POU6F2: variants seen among roughly 807,000 people sequenced by gnomAD.
POU6F2 encodes the protein POU class 6 homeobox 2.
A neutral mutation model predicts 71.3 loss-of-function variants in POU6F2; 31 were observed. The observed-to-expected ratio is 0.43, with a 90% CI of 0.33 to 0.59. The LOEUF is 0.59. POU6F2 is among the 20% of genes least tolerant of loss of function. The probability of loss-of-function intolerance (pLI) is 0.04; values close to 1 mark genes in which losing one functional copy is unlikely to be tolerated. For synonymous variants in POU6F2, 347 were observed against 355.7 expected (o/e 0.98, Z 0.27); for missense variants, 783 against 856.8 (o/e 0.91, Z 1.07).
Position 39,358,873 on chromosome 7 carries a change from TAA to T in POU6F2, c.972+18875_972+18876del, listed in dbSNP as rs10626884. On this transcript the variant is annotated intron_variant, in intron 5 of 9. Coordinates refer to ENST00000518318, the MANE Select transcript of POU6F2 (RefSeq NM_001370959.1). ...GAAAGTGGAGCTGTACTTCTGTATTTAAAAAAAAAAAAAAAAAAGAGTATGAC... is the reference window on the plus strand; with the variant it reads ...GAAAGTGGAGCTGTACTTCTGTATTTAAAAAAAAAAAAAAAAGAGTATGAC... 2.1e-3 allele frequency among the ~76,000 whole-genome samples: 286 copies of T among 134,346 alleles called. 1 individual carries two copies. Among genetic ancestry groups the T allele is most frequent in the African/African-American group, 6.8e-3 (248 of 36,208 alleles). The allele number at this position is 134,346 out of a possible 152,430, so 88.1% of individuals were successfully genotyped here.
intron 1 of POU6F2, among the ~76,000 whole-genome samples, chr7:39,004,490 C>A (rs971658903): frequency 6.6e-6 from 1 of 152,058 alleles, no homozygotes; most frequent in African/African-American, 2.4e-5. Flanking sequence ...CAGGACAAGC[C>A]CAGTGAATGA....
chr7:39,158,707 CCCCACCAATTGGATGGTG>C (rs1792926365), intron 2 of POU6F2, among the ~76,000 whole-genome samples: 1 of 152,028 alleles, frequency 6.6e-6, no homozygotes, highest in Non-Finnish European at 1.5e-5. Flanking sequence ...CTATTCAGGC[CCCCACCAATTGGATGGTG>C]CCCACCCACA....
chr7:39,021,398 CTATT>C (rs1365182904), intron 1 of POU6F2, among the ~76,000 whole-genome samples: 1 of 151,836 alleles, frequency 6.6e-6, no homozygotes, highest in Non-Finnish European at 1.5e-5. Flanking sequence ...GATCGAAACT[CTATT>C]TATAGCCTTA....
chr7:39,431,801 A>G (rs1162909857), intron 6 of POU6F2, among the ~76,000 whole-genome samples: 1 of 152,244 alleles, frequency 6.6e-6, no homozygotes, highest in East Asian at 1.9e-4. Flanking sequence ...GTGTTGTAAG[A>G]ATATAGAATG....
At chr7:39,200,815 G>A (rs1332640608) in intron 2 of POU6F2, among the ~76,000 whole-genome samples, 1 of 150,852 alleles carries the variant, frequency 6.6e-6, no homozygotes, top group African/African-American at 2.4e-5. Flanking sequence ...TTCAAGACCA[G>A]TATGGGCAAT....
At chr7:39,157,610 C>T (rs1381165303) in intron 2 of POU6F2, among the ~76,000 whole-genome samples, 2 of 152,138 alleles carry the variant, frequency 1.3e-5, no homozygotes, top group Non-Finnish European at 2.9e-5. Flanking sequence ...TAATTTACAG[C>T]TACATTTACT....
Position 39,464,907 on chromosome 7 carries a change from T to G in POU6F2, c.*221T>G. On this transcript the variant is annotated 3_prime_UTR_variant, in exon 10 of 10. Transcript: ENST00000518318. The surrounding 1 kb of genome is among the most constrained non-coding windows in gnomAD (Gnocchi z 4.1). ...GGAAAGAAGAAAATTTTTAGAAAAT[T>G]TTTAAACAAGGAATACACCACACTG... 1.6e-6 allele frequency: 1 copy of G among 632,982 alleles called. No homozygotes were observed. The highest frequency in any genetic ancestry group is 2.6e-6 in the Non-Finnish European group (1 of 385,226). 39.2% of individuals were successfully genotyped at this position (632,982 alleles called of 1,614,324 possible).
intron 2 of POU6F2, among the ~76,000 whole-genome samples, chr7:39,136,139 G>A (rs1435006322): frequency 6.6e-6 from 1 of 152,280 alleles, no homozygotes; most frequent in East Asian, 1.9e-4. Context: ...TGGGAGTACT[G>A]TAAAATAATA....
intron 4 of POU6F2, among the ~76,000 whole-genome samples, chr7:39,250,252 C>A (rs1783891111): frequency 1.3e-5 from 2 of 152,200 alleles, no homozygotes; most frequent in African/African-American, 4.8e-5. Context: ...AAAACAGTGA[C>A]CGTGATCTTG....
intron 1 of POU6F2, among the ~76,000 whole-genome samples, chr7:39,016,195 A>G (rs1789544004): frequency 7.2e-6 from 1 of 139,160 alleles, no homozygotes; most frequent in South Asian, 2.1e-4. Flanking sequence ...TCTATATTAT[A>G]TATAGATGTA....
At chr7:39,279,740 T>TTTA (rs1562774821) in intron 4 of POU6F2, among the ~76,000 whole-genome samples, 2 of 151,466 alleles carry the variant, frequency 1.3e-5, no homozygotes, top group African/African-American at 2.4e-5. Context: ...TTCCCTTTTA[T>TTTA]TTTATTTATT....
At chr7:39,400,202 G>A (rs1468333676) in intron 5 of POU6F2, among the ~76,000 whole-genome samples, 1 of 152,206 alleles carries the variant, frequency 6.6e-6, no homozygotes, top group Non-Finnish European at 1.5e-5. Flanking sequence ...AAAGTTGGGT[G>A]TGGTTGAAAG....
At chr7:39,134,899 G>A (rs1331171712) in intron 2 of POU6F2, among the ~76,000 whole-genome samples, 1 of 151,980 alleles carries the variant, frequency 6.6e-6, no homozygotes, top group Non-Finnish European at 1.5e-5. Context: ...TACAGTCAAA[G>A]GCAAGTTCAT....
At chr7:39,258,610 T>G (rs1170832493) in intron 4 of POU6F2, among the ~76,000 whole-genome samples, 1 of 152,116 alleles carries the variant, frequency 6.6e-6, no homozygotes, top group Non-Finnish European at 1.5e-5. Context: ...TCAAATTATG[T>G]TTAATAGCTT....
intron 5 of POU6F2, among the ~76,000 whole-genome samples, chr7:39,360,504 C>T (rs1323610507): frequency 2.0e-5 from 3 of 152,184 alleles, no homozygotes; most frequent in African/African-American, 7.2e-5. Context: ...CATTCTGAGG[C>T]TTTCTACCGC....
intron 5 of POU6F2, among the ~76,000 whole-genome samples, chr7:39,405,339 G>A (rs1195256566): frequency 2.0e-5 from 3 of 152,204 alleles, no homozygotes; most frequent in Admixed American, 6.5e-5. Context: ...AAGGAAAAGA[G>A]AGAGAGAGAA....
intron 2 of POU6F2, among the ~76,000 whole-genome samples, chr7:39,123,620 G>T (rs903978151): frequency 6.6e-6 from 1 of 152,036 alleles, no homozygotes; most frequent in Non-Finnish European, 1.5e-5. Context: ...TTTATGGCTT[G>T]GCCAGGATTT....
intron 1 of POU6F2, among the ~76,000 whole-genome samples, chr7:39,066,995 AT>A (rs1458955860): frequency 2.7e-5 from 4 of 148,054 alleles, no homozygotes; most frequent in African/African-American, 7.3e-5. Context: ...ATTGTATATA[AT>A]TCATATATTA....
chr7:39,032,601 A>G (rs1017657795), intron 1 of POU6F2, among the ~76,000 whole-genome samples: 3 of 152,198 alleles, frequency 2.0e-5, no homozygotes, highest in Non-Finnish European at 4.4e-5. Context: ...GAGCTATCCT[A>G]TTGTTAATTC....
Sources: gnomAD v4.1 joint callset for allele counts (sites outside exome capture counted in the v4.1 genomes callset) on GRCh38, gnomAD v4.1.1 for gene constraint, Gnocchi (gnomAD v3.1) non-coding constraint, MANE v1.5 for transcripts, NCBI Gene and HGNC (gene_info 2026-07-23, HGNC 2026-07-21) for gene names.